Variants in AGAP1 observed in about 807,000 individuals in gnomAD.
The protein encoded by AGAP1 is ArfGAP with GTPase domain, ankyrin repeat and PH domain 1.
Under a neutral mutation model 105.3 loss-of-function variants are expected in AGAP1, and 29 were observed. The ratio of observed to expected loss-of-function variants is 0.28; its 90% CI spans 0.21 to 0.38. The LOEUF (loss-of-function observed/expected upper bound fraction) is 0.38. Among genes scored for constraint, AGAP1 ranks in the 10% least tolerant of loss-of-function variants. AGAP1 has a pLI of 1.00. For missense variants in AGAP1, 998 were observed against 1,165.1 expected, an observed-to-expected ratio of 0.86 and a Z score of 2.09; for synonymous variants, 509 against 485.9, an observed-to-expected ratio of 1.05 and a Z score of -0.63.
intron 5 of AGAP1, among the ~76,000 whole-genome samples, chr2:235,746,180 G>C (rs1952916398): frequency 6.6e-6 from 1 of 151,832 alleles, no homozygotes; most frequent in Non-Finnish European, 1.5e-5. Flanking sequence ...AGCTACTTGG[G>C]AGGCTGAGGC....
rs1005312390 is a variant in AGAP1, at chr2:235,725,583, C to T, written c.310+7939C>T. 1.5e-4 allele frequency among the ~76,000 whole-genome samples: 22 copies of T among 151,316 alleles called. No homozygotes were observed. Among genetic ancestry groups the T allele is most frequent in the African/African-American group, 4.6e-4 (19 of 41,174 alleles). ...AAATCTAGCCATTTAGATTTTTCAA[C>T]CTCAATTTGACCGTTAGTTGCAACC... On this transcript the variant is annotated intron_variant, in intron 3 of 17. Transcript: ENST00000304032. The surrounding 1 kb of genome is among the most constrained non-coding windows in gnomAD (Gnocchi z 5.7).
At chr2:235,942,671 T>TAA (rs79828914) in intron 12 of AGAP1, among the ~76,000 whole-genome samples, 2 of 95,306 alleles carry the variant, frequency 2.1e-5, no homozygotes, top group East Asian at 5.4e-4. Flanking sequence ...AAACTCTGTC[T>TAA]AAAAAAAAAA....
intron 9 of AGAP1, among the ~76,000 whole-genome samples, chr2:235,815,615 C>T (rs1368347802): frequency 6.6e-6 from 1 of 152,152 alleles, no homozygotes; most frequent in Non-Finnish European, 1.5e-5. Context: ...AATGTCCTAG[C>T]TTAGGCCTTC....
chr2:236,052,028 C>T (rs530329380), intron 16 of AGAP1, among the ~76,000 whole-genome samples: 22 of 152,286 alleles, frequency 1.4e-4, no homozygotes, highest in Admixed American at 4.6e-4. Context: ...AAGCCACCCC[C>T]GCTCCCTCTG....
intron 1 of AGAP1, chr2:235,524,437 G>T: frequency 3.9e-6 from 1 of 255,080 alleles, no homozygotes; most frequent in Non-Finnish European, 8.6e-6. Context: ...GGCAAGTTTA[G>T]AGCCTTTGAG....
At position 236,078,038 on chromosome 2, in the gene AGAP1, TG is replaced by T. The variant is rs930330486; in HGVS notation, c.2114+28758del. Reference sequence around the variant, plus strand: ...GGGTTCTCCAGAGAAACAACCAATTTGTGTGTGTGTGTGTGTGTGTGTGTGT... The same window carrying T: ...GGGTTCTCCAGAGAAACAACCAATTTTGTGTGTGTGTGTGTGTGTGTGTGT... On this transcript the variant is annotated intron_variant, in intron 16 of 17. Coordinates refer to ENST00000304032, the MANE Select transcript of AGAP1 (RefSeq NM_001037131.3). The surrounding 1 kb of genome is among the most constrained non-coding windows in gnomAD (Gnocchi z 5.3). Among the ~76,000 whole-genome samples the T allele has an allele frequency of 1.8e-4, 2 of 11,018 alleles. No individual in the cohort carries two copies. The highest frequency in any genetic ancestry group is 4.4e-4 in the Non-Finnish European group (2 of 4,544). 7.2% of individuals were successfully genotyped at this position (11,018 alleles called of 152,430 possible). A position where few individuals can be genotyped will look rare whatever the true frequency, so the allele number is the denominator to read the frequency against.
At chr2:235,521,015 G>A (rs1942591918) in intron 1 of AGAP1, among the ~76,000 whole-genome samples, 1 of 152,206 alleles carries the variant, frequency 6.6e-6, no homozygotes. Flanking sequence ...CCAGGCTCAT[G>A]TGGTACATTG....
chr2:235,523,636 A>G (rs1942709803), intron 1 of AGAP1, among the ~76,000 whole-genome samples: 1 of 152,126 alleles, frequency 6.6e-6, no homozygotes, highest in African/African-American at 2.4e-5. Context: ...CAGGGATGAA[A>G]TGGCAGGTGT....
At chr2:235,815,245 C>G (rs764351987) in intron 9 of AGAP1, among the ~76,000 whole-genome samples, 5 of 152,178 alleles carry the variant, frequency 3.3e-5, no homozygotes, top group Non-Finnish European at 4.4e-5. Flanking sequence ...ACAAGTTGAT[C>G]TCTCGGTTCT....
chr2:235,874,319 G>A lies in AGAP1; in HGVS notation c.1051-9026G>A, dbSNP rs1055955804. ...CGGCCTCGGCCTCCCAAAGTGCTGG[G>A]GTTACAGATGTAAGCCACTGTGCCC... is the stretch of plus-strand genomic sequence containing the variant. On this transcript the variant is annotated intron_variant, in intron 9 of 17. Transcript: ENST00000304032. The surrounding 1 kb of genome is among the most constrained non-coding windows in gnomAD (Gnocchi z 4.5). Among the ~76,000 whole-genome samples, 1 of 152,210 alleles carries A rather than the reference G, an allele frequency of 6.6e-6. No homozygotes were observed. The highest frequency in any genetic ancestry group is 1.5e-5 in the Non-Finnish European group (1 of 68,046).
intron 1 of AGAP1, among the ~76,000 whole-genome samples, chr2:235,666,672 A>G (rs1806688): frequency 0.57 from 83,286 of 147,104 alleles, 26,451 homozygotes; most frequent in African/African-American, 0.87. Flanking sequence ...CCCGCATCTC[A>G]TATGGCAAAG....
chr2:236,003,198 C>T lies in AGAP1; in HGVS notation c.1646-33363C>T, dbSNP rs1576027576. ...TAGCTGGGACTACAGGCACATGCCG[C>T]CACGCCCAGCTAATTTTTGTATTTT... On this transcript the variant is annotated intron_variant, in intron 13 of 17. Coordinates refer to ENST00000304032, the MANE Select transcript of AGAP1 (RefSeq NM_001037131.3). This position sits in a 1 kb window ranked among gnomAD's most constrained non-coding sequence, Gnocchi z 4.2. Among the ~76,000 whole-genome samples, 1 of 152,246 alleles carries T rather than the reference C, an allele frequency of 6.6e-6. No homozygotes were observed. Among genetic ancestry groups the T allele is most frequent in the Admixed American group, 6.5e-5 (1 of 15,296 alleles).
rs1950514144 is a variant in AGAP1 at position 235,705,983 on chromosome 2, CTT to C, written c.164-3194_164-3193del. Among the ~76,000 whole-genome samples, 1 of 152,178 alleles carries C rather than the reference CTT, an allele frequency of 6.6e-6. No individual in the cohort carries two copies. The highest frequency in any genetic ancestry group is 1.5e-5 in the Non-Finnish European group (1 of 68,042). ...CTCATTTTAATTCACAGTTTACCCT[CTT>C]TGTTTTACTATTAAAGTTCATTTTT... On this transcript the variant is annotated intron_variant, in intron 1 of 17. Coordinates refer to ENST00000304032, the MANE Select transcript of AGAP1 (RefSeq NM_001037131.3). The surrounding 1 kb of genome is among the most constrained non-coding windows in gnomAD (Gnocchi z 4.9).
At chr2:235,604,308 C>T (rs545035347) in intron 1 of AGAP1, among the ~76,000 whole-genome samples, 5 of 151,834 alleles carry the variant, frequency 3.3e-5, no homozygotes, top group Admixed American at 6.6e-5. Flanking sequence ...AGTGAGACCC[C>T]GCCTATACAA....
chr2:235,763,733 T>C (rs532132992), intron 6 of AGAP1, among the ~76,000 whole-genome samples: 1 of 152,318 alleles, frequency 6.6e-6, no homozygotes, highest in East Asian at 1.9e-4. Flanking sequence ...TATCAGTTTA[T>C]ACACAGAAGT....
rs188630594 is a variant in AGAP1, at chr2:236,050,413, G to A, written c.2114+1132G>A. Reference sequence around the variant, plus strand: ...GCAAAGAACATATTTGTTTAAAATTGCATGGTTTTGATACGCGACCTCTTT... The same window carrying A: ...GCAAAGAACATATTTGTTTAAAATTACATGGTTTTGATACGCGACCTCTTT... On this transcript the variant is annotated intron_variant, in intron 16 of 17. Coordinates refer to ENST00000304032, the MANE Select transcript of AGAP1 (RefSeq NM_001037131.3). This position sits in a 1 kb window ranked among gnomAD's most constrained non-coding sequence, Gnocchi z 4.0. 3.9e-4 allele frequency among the ~76,000 whole-genome samples: 59 copies of A among 152,324 alleles called. No homozygotes were observed. Among genetic ancestry groups the A allele is most frequent in the African/African-American group, 1.4e-3 (57 of 41,570 alleles).
rs1952427316 is a variant in AGAP1 at position 235,739,104 on chromosome 2, A to G, written c.311-1859A>G. ...GTACTGTTCAGGGTGCTTTGTGTCA[A>G]CTTATTACTCCTCGCCTGCTAGGAC... On this transcript the variant is annotated intron_variant, in intron 3 of 17. Transcript: ENST00000304032. The surrounding 1 kb of genome is among the most constrained non-coding windows in gnomAD (Gnocchi z 5.3). Among the ~76,000 whole-genome samples the G allele has an allele frequency of 6.6e-6, 1 of 152,138 alleles. No homozygotes were observed. The highest frequency in any genetic ancestry group is 1.5e-5 in the Non-Finnish European group (1 of 68,036).
At chr2:235,533,793 A>C (rs1943120649) in intron 1 of AGAP1, among the ~76,000 whole-genome samples, 1 of 152,222 alleles carries the variant, frequency 6.6e-6, no homozygotes, top group Non-Finnish European at 1.5e-5. Context: ...TGCTCCCAGG[A>C]GCTGGACCCC....
intron 1 of AGAP1, among the ~76,000 whole-genome samples, chr2:235,688,370 T>C (rs1949569349): frequency 6.6e-6 from 1 of 152,188 alleles, no homozygotes; most frequent in Non-Finnish European, 1.5e-5. Flanking sequence ...CACTCTCCAC[T>C]TTTGCTTTCC....
Sources: gnomAD v4.1 joint callset for allele counts (sites outside exome capture counted in the v4.1 genomes callset) on GRCh38, gnomAD v4.1.1 for gene constraint, Gnocchi (gnomAD v3.1) non-coding constraint, MANE v1.5 for transcripts, NCBI Gene and HGNC (gene_info 2026-07-23, HGNC 2026-07-21) for gene names.